The following SEMA3E variants were observed in gnomAD, a reference collection of about 807,000 sequenced individuals.
SEMA3E encodes semaphorin 3E, also known as semaphorin-3E.
SEMA3E carries 49 observed loss-of-function variants against 93.6 expected under a neutral mutation model. The ratio of observed to expected loss-of-function variants is 0.52; its 90% CI spans 0.42 to 0.66. The LOEUF (loss-of-function observed/expected upper bound fraction) is 0.66, where lower values mean the gene tolerates loss of function less well. Among genes scored for constraint, SEMA3E ranks in the 30% least tolerant of loss-of-function variants. The pLI, the probability that SEMA3E is intolerant of heterozygous loss-of-function variation, is 0.00. For synonymous variants in SEMA3E, 363 were observed against 330.7 expected (o/e 1.10, Z -1.06); for missense variants, 906 against 964.8 (o/e 0.94, Z 0.81).
intron 1 of SEMA3E, among the ~76,000 whole-genome samples, chr7:83,599,649 C>T (rs972014779): frequency 1.2e-4 from 18 of 152,152 alleles, no homozygotes; most frequent in African/African-American, 4.1e-4. Context: ...ATACAAATAA[C>T]TACATTCAGA....
intron 1 of SEMA3E, among the ~76,000 whole-genome samples, chr7:83,541,475 T>A (rs918682666): frequency 6.7e-6 from 1 of 148,344 alleles, no homozygotes; most frequent in African/African-American, 2.5e-5. Context: ...TCAACAGAGT[T>A]TGGTACTGGG....
intron 1 of SEMA3E, among the ~76,000 whole-genome samples, chr7:83,506,080 G>GA (rs1382440834): frequency 6.8e-6 from 1 of 146,396 alleles, no homozygotes. Context: ...GAAGCTGTCA[G>GA]AAAAAAAGTA....
chr7:83,503,333 G>GC, intron 1 of SEMA3E, among the ~76,000 whole-genome samples: 1 of 151,986 alleles, frequency 6.6e-6, no homozygotes, highest in Admixed American at 6.6e-5. Flanking sequence ...TAGGAAGTTT[G>GC]TTTTTTTCTT....
At chr7:83,479,686 G>C (rs1790102651) in intron 2 of SEMA3E, among the ~76,000 whole-genome samples, 1 of 152,162 alleles carries the variant, frequency 6.6e-6, no homozygotes, top group Admixed American at 6.5e-5. Context: ...TTACAGTTAA[G>C]AGAACTGAGA....
At chr7:83,534,842 T>G (rs1214188973) in intron 1 of SEMA3E, among the ~76,000 whole-genome samples, 1 of 152,164 alleles carries the variant, frequency 6.6e-6, no homozygotes, top group East Asian at 1.9e-4. Flanking sequence ...TAATGTAAGT[T>G]TTTTGCATTG....
At chr7:83,519,072 T>C (rs1790991894) in intron 1 of SEMA3E, among the ~76,000 whole-genome samples, 1 of 151,972 alleles carries the variant, frequency 6.6e-6, no homozygotes, top group Non-Finnish European at 1.5e-5. Flanking sequence ...CTGCACCCAT[T>C]AACTCGTCAT....
intron 5 of SEMA3E, among the ~76,000 whole-genome samples, chr7:83,415,651 A>G (rs941609658): frequency 3.3e-5 from 5 of 152,112 alleles, no homozygotes; most frequent in Admixed American, 3.3e-4. Context: ...ACTTAAGTCA[A>G]CTGAATTTAA....
intron 2 of SEMA3E, among the ~76,000 whole-genome samples, chr7:83,478,667 T>C (rs1451147420): frequency 2.0e-5 from 3 of 152,176 alleles, no homozygotes; most frequent in African/African-American, 4.8e-5. Context: ...TCTCTACTAC[T>C]GTCACTAGCA....
intron 2 of SEMA3E, among the ~76,000 whole-genome samples, chr7:83,476,655 C>A (rs1027619810): frequency 6.6e-6 from 1 of 152,108 alleles, no homozygotes; most frequent in African/African-American, 2.4e-5. Flanking sequence ...ATTTTTAAAG[C>A]CATCACGTAA....
intron 4 of SEMA3E, among the ~76,000 whole-genome samples, chr7:83,433,051 T>C (rs1285281684): frequency 6.6e-6 from 1 of 152,168 alleles, no homozygotes; most frequent in African/African-American, 2.4e-5. Flanking sequence ...ATTTTTGCAT[T>C]GTACATATAT....
At chr7:83,391,589 C>CTTA (rs1187895658) in intron 14 of SEMA3E, among the ~76,000 whole-genome samples, 1 of 116,894 alleles carries the variant, frequency 8.6e-6, no homozygotes, top group Non-Finnish European at 2.0e-5. Context: ...TTACTATCCA[C>CTTA]TTATTATATC....
Position 83,621,929 on chromosome 7 carries a change from T to C in SEMA3E, c.115+26499A>G, listed in dbSNP as rs546529113. 3.3e-5 allele frequency among the ~76,000 whole-genome samples: 5 copies of C among 152,216 alleles called. No homozygotes were observed. The East Asian group carries it at 7.7e-4, about 23-fold the overall frequency. On this transcript the variant is annotated intron_variant, in intron 1 of 16. Transcript: ENST00000643230. ...AACAATACCATTCAGGATATATGCA[T>C]GGCAAAGAATTCATGATGAAAACAC...
chr7:83,603,811 C>G (rs1315581492), intron 1 of SEMA3E, among the ~76,000 whole-genome samples: 1 of 152,140 alleles, frequency 6.6e-6, no homozygotes, highest in African/African-American at 2.4e-5. Flanking sequence ...ATCTTTGGAG[C>G]AGTCTATTGC....
At chr7:83,416,924 C>T (rs1461467942) in intron 5 of SEMA3E, among the ~76,000 whole-genome samples, 1 of 150,564 alleles carries the variant, frequency 6.6e-6, no homozygotes, top group Non-Finnish European at 1.5e-5. Context: ...CCAAGTCTAA[C>T]CTGACTTAGG....
chr7:83,644,534 A>G (rs1163273509), intron 1 of SEMA3E, among the ~76,000 whole-genome samples: 1 of 151,964 alleles, frequency 6.6e-6, no homozygotes, highest in Non-Finnish European at 1.5e-5. Flanking sequence ...ATTCACAGAT[A>G]TTGTTGTTTC....
chr7:83,419,526 T>G (rs1788630655), intron 4 of SEMA3E, among the ~76,000 whole-genome samples: 1 of 152,216 alleles, frequency 6.6e-6, no homozygotes, highest in Non-Finnish European at 1.5e-5. Context: ...CCACAATGGC[T>G]GAACTAATGT....
intron 1 of SEMA3E, among the ~76,000 whole-genome samples, chr7:83,573,215 C>T (rs966848842): frequency 4.6e-5 from 7 of 151,924 alleles, no homozygotes; most frequent in Non-Finnish European, 5.9e-5. Flanking sequence ...ACAAATAATC[C>T]AATTAAAAAT....
At chr7:83,447,291 C>T (rs1314196557) in intron 4 of SEMA3E, among the ~76,000 whole-genome samples, 3 of 152,110 alleles carry the variant, frequency 2.0e-5, no homozygotes, top group South Asian at 2.1e-4. Flanking sequence ...AATCCCAGCA[C>T]CTTGGGAGGC....
chr7:83,585,378 T>G (rs1367559876), intron 1 of SEMA3E, among the ~76,000 whole-genome samples: 2 of 152,318 alleles, frequency 1.3e-5, no homozygotes, highest in Middle Eastern at 3.4e-3. Flanking sequence ...GGGCCAGCAT[T>G]TTCTTGTTTT....
Sources: allele counts gnomAD v4.1 joint callset (sites outside exome capture counted in the v4.1 genomes callset), GRCh38; gene constraint gnomAD v4.1.1; transcripts MANE v1.5; gene names NCBI Gene and HGNC (gene_info 2026-07-23, HGNC 2026-07-21).